PPP1R14C: variants seen among roughly 807,000 people sequenced by gnomAD.
PPP1R14C encodes the protein protein phosphatase 1 regulatory inhibitor subunit 14C.
PPP1R14C carries 16 observed loss-of-function variants against 20.4 expected under a neutral mutation model. The ratio of observed to expected loss-of-function variants is 0.78; its 90% CI spans 0.53 to 1.19. PPP1R14C has a LOEUF of 1.19. Among genes scored for constraint, PPP1R14C ranks in the 50% most tolerant of loss-of-function variants. The probability of loss-of-function intolerance (pLI) is 0.00; values close to 1 mark genes in which losing one functional copy is unlikely to be tolerated. For missense variants in PPP1R14C, 211 were observed against 220.1 expected (o/e 0.96, Z 0.26); for synonymous variants, 91 against 91.0 (o/e 1.00, Z 0.00).
At chr6:150,240,472 G>A (rs1349789774) in intron 3 of PPP1R14C, among the ~76,000 whole-genome samples, 1 of 152,216 alleles carries the variant, frequency 6.6e-6, no homozygotes, top group Non-Finnish European at 1.5e-5. Flanking sequence ...AAACCTCTAG[G>A]GGTTTCCCAT....
intron 1 of PPP1R14C, among the ~76,000 whole-genome samples, chr6:150,168,803 ATAATT>A (rs1304940502): frequency 6.6e-6 from 1 of 152,232 alleles, no homozygotes; most frequent in Non-Finnish European, 1.5e-5. Flanking sequence ...ATACAATTAT[ATAATT>A]TAATTTAAAA....
At chr6:150,233,295 A>T (rs1040433331) in intron 3 of PPP1R14C, among the ~76,000 whole-genome samples, 11 of 152,200 alleles carry the variant, frequency 7.2e-5, no homozygotes, top group Admixed American at 7.2e-4. Flanking sequence ...TTCACTTCAC[A>T]TCATTGGTAG....
At chr6:150,182,887 A>G (rs1024430888) in intron 1 of PPP1R14C, among the ~76,000 whole-genome samples, 1 of 152,212 alleles carries the variant, frequency 6.6e-6, no homozygotes, top group Non-Finnish European at 1.5e-5. Context: ...GGCACAGCCT[A>G]TTACTCCTAG....
At chr6:150,207,547 C>CAG (rs1157589227) in intron 1 of PPP1R14C, among the ~76,000 whole-genome samples, 2 of 152,202 alleles carry the variant, frequency 1.3e-5, no homozygotes, top group Non-Finnish European at 2.9e-5. Flanking sequence ...GCCCTCTGGC[C>CAG]TTCATGAGCC....
In PPP1R14C at chr6:150,248,920, C is replaced by CTT. The variant is rs773053781; in HGVS notation, c.*100_*101insTT. On this transcript the variant is annotated 3_prime_UTR_variant, in exon 4 of 4. Transcript: ENST00000361131. ...AAAGAATAGGTGTCCTTATGAACAA[C>CTT]GTTTTTGTTTTTTTTTTTTTCTTTT... is the stretch of plus-strand genomic sequence containing the variant. 8.3e-6 allele frequency: 5 copies of CTT among 605,854 alleles called. No individual in the cohort carries two copies. Among genetic ancestry groups the CTT allele is most frequent in the Non-Finnish European group, 1.1e-5 (4 of 369,404 alleles). The allele number at this position is 605,854 out of a possible 1,614,324, so 37.5% of individuals were successfully genotyped here.
At chr6:150,243,087 G>C (rs1283975125) in intron 3 of PPP1R14C, among the ~76,000 whole-genome samples, 2 of 151,844 alleles carry the variant, frequency 1.3e-5, no homozygotes, top group African/African-American at 2.4e-5. Context: ...GTGTTGAGAT[G>C]TCAGTTCTCC....
intron 1 of PPP1R14C, among the ~76,000 whole-genome samples, chr6:150,159,392 CCTT>C (rs1777340259): frequency 6.6e-6 from 1 of 152,152 alleles, no homozygotes; most frequent in African/African-American, 2.4e-5. Flanking sequence ...TGTGGCTTGT[CCTT>C]CTTTTCCACC....
intron 3 of PPP1R14C, among the ~76,000 whole-genome samples, chr6:150,235,219 G>A (rs922482936): frequency 6.6e-6 from 1 of 152,162 alleles, no homozygotes; most frequent in African/African-American, 2.4e-5. Flanking sequence ...CTCCTGAGTA[G>A]CTAGGACTAT....
intron 1 of PPP1R14C, among the ~76,000 whole-genome samples, chr6:150,209,246 T>C (rs1333588871): frequency 6.6e-6 from 1 of 152,228 alleles, no homozygotes; most frequent in East Asian, 1.9e-4. Flanking sequence ...CTATGTCTCC[T>C]AGAGCTTGGA....
At chr6:150,174,195 C>T (rs1342722571) in intron 1 of PPP1R14C, among the ~76,000 whole-genome samples, 1 of 152,156 alleles carries the variant, frequency 6.6e-6, no homozygotes, top group East Asian at 1.9e-4. Flanking sequence ...CACTTACTAA[C>T]TTACCCATAC....
At chr6:150,179,198 G>C in intron 1 of PPP1R14C, among the ~76,000 whole-genome samples, 1 of 152,216 alleles carries the variant, frequency 6.6e-6, no homozygotes, top group Admixed American at 6.5e-5. Context: ...TTGAGCCCAG[G>C]AGTTCAGTAC....
chr6:150,153,425 A>G (rs1438421590), intron 1 of PPP1R14C, among the ~76,000 whole-genome samples: 1 of 152,258 alleles, frequency 6.6e-6, no homozygotes, highest in Non-Finnish European at 1.5e-5. Flanking sequence ...CTTCAAAGAA[A>G]GGGATCACGA....
chr6:150,215,173 G>A (rs1778074484), intron 2 of PPP1R14C, among the ~76,000 whole-genome samples: 1 of 152,228 alleles, frequency 6.6e-6, no homozygotes, highest in South Asian at 2.1e-4. Context: ...GAGGGACTGA[G>A]CTAGCACTGG....
intron 3 of PPP1R14C, among the ~76,000 whole-genome samples, chr6:150,221,923 C>T (rs1035604460): frequency 1.2e-4 from 18 of 152,146 alleles, no homozygotes; most frequent in African/African-American, 2.2e-4. Flanking sequence ...CTCAGCCCCC[C>T]GGGTAGCTGA....
chr6:150,160,737 A>T (rs1474810363), intron 1 of PPP1R14C, among the ~76,000 whole-genome samples: 1 of 152,012 alleles, frequency 6.6e-6, no homozygotes, highest in African/African-American at 2.4e-5. Context: ...TTTGTCTTGG[A>T]TTATAATTCA....
chr6:150,165,165 T>G (rs1453118221), intron 1 of PPP1R14C, among the ~76,000 whole-genome samples: 2 of 152,276 alleles, frequency 1.3e-5, no homozygotes, highest in Non-Finnish European at 2.9e-5. Flanking sequence ...ATATAGATTC[T>G]AGTGAGTATG....
chr6:150,182,785 T>C (rs1777636149), intron 1 of PPP1R14C, among the ~76,000 whole-genome samples: 1 of 152,194 alleles, frequency 6.6e-6, no homozygotes, highest in Non-Finnish European at 1.5e-5. Flanking sequence ...TTCTGAGAAA[T>C]GCATCCTTAG....
intron 1 of PPP1R14C, among the ~76,000 whole-genome samples, chr6:150,176,912 G>A (rs1777569077): frequency 6.6e-6 from 1 of 152,162 alleles, no homozygotes; most frequent in Non-Finnish European, 1.5e-5. Flanking sequence ...GAGAGATCAC[G>A]AGGAAGGGCT....
intron 3 of PPP1R14C, 145 bp from the exon 4 acceptor site, chr6:150,248,601 C>T: frequency 1.9e-6 from 1 of 522,650 alleles, no homozygotes; most frequent in Admixed American, 3.3e-5. Flanking sequence ...TTTAAAAATC[C>T]TGTATTATAC....
Sources: gnomAD v4.1 joint callset for allele counts (sites outside exome capture counted in the v4.1 genomes callset) on GRCh38, gnomAD v4.1.1 for gene constraint, MANE v1.5 for transcripts, NCBI Gene and HGNC (gene_info 2026-07-23, HGNC 2026-07-21) for gene names.